The following ANAPC1 variants were observed in gnomAD, a reference collection of about 807,000 sequenced individuals.
The protein encoded by ANAPC1 is anaphase-promoting complex subunit 1.
In ANAPC1, 36 loss-of-function variants were observed where a neutral mutation model predicts 208.0. That is an observed-to-expected ratio of 0.17 (90% CI 0.13 to 0.23). ANAPC1 has a LOEUF of 0.23. ANAPC1 is among the 10% of genes least tolerant of loss of function. ANAPC1 has a pLI of 1.00. For synonymous variants in ANAPC1, 378 were observed against 695.2 expected (o/e 0.54, Z 7.18); for missense variants, 942 against 2,011.6 (o/e 0.47, Z 10.17).
chr2:111,849,321 T>C (rs1395740050), intron 14 of ANAPC1, among the ~76,000 whole-genome samples: 1 of 152,122 alleles, frequency 6.6e-6, no homozygotes, highest in Non-Finnish European at 1.5e-5. Flanking sequence ...TTGGAAACCA[T>C]TTTCCATTAT....
At chr2:111,877,665 T>C (rs1683090084) in intron 3 of ANAPC1, among the ~76,000 whole-genome samples, 1 of 151,966 alleles carries the variant, frequency 6.6e-6, no homozygotes, top group Non-Finnish European at 1.5e-5. Flanking sequence ...GCAACTGCAG[T>C]CCCAGCTACT....
chr2:111,831,204 A>G, intron 21 of ANAPC1, 82 bp downstream of exon 21: 1 of 1,482,688 alleles, frequency 6.7e-7, no homozygotes, highest in East Asian at 2.4e-5. Flanking sequence ...TATACACAGA[A>G]AAAAACTTAA....
Position 111,863,738 on chromosome 2 carries a change from C to G in ANAPC1, c.989G>C (p.Arg330Pro). ...QNYSSIHSQS[R>P]STSSPSLHSR... is the part of the protein sequence containing the mutation. Reference sequence around the variant, plus strand: ...ATGTAGACTGGGTGATGAGGTTGAGCGACTCTGGCTGTGAATGGAGGAGTA... The same window carrying G: ...ATGTAGACTGGGTGATGAGGTTGAGGGACTCTGGCTGTGAATGGAGGAGTA... Residue 330 changes from arginine (R) to proline (P), a missense_variant, in exon 9 of 48, where the codon CGC becomes CCC. Arg to Pro is a moderately radical substitution (Grantham distance 103). Transcript: ENST00000341068. The G allele has an allele frequency of 1.2e-6, 2 of 1,613,846 alleles. No homozygotes were observed. Among genetic ancestry groups the G allele is most frequent in the Non-Finnish European group, 1.7e-6 (2 of 1,179,852 alleles).
In ANAPC1 at chr2:111,784,264, G is replaced by T. The variant is rs1373624248; in HGVS notation, c.4995+59C>A. On this transcript the variant is annotated intron_variant, in intron 41 of 47. Transcript: ENST00000341068. ...AGGCTTTTATTTAGCTATCTTTAAC[G>T]CTATGCCATTCTGTTGAATTGACCC... 11 of 1,613,664 alleles carry T rather than the reference G, an allele frequency of 6.8e-6. No individual in the cohort carries two copies. In the South Asian group the frequency reaches 1.1e-4, roughly 16 times the overall value.
intron 38 of ANAPC1, among the ~76,000 whole-genome samples, chr2:111,790,390 A>G (rs949508576): frequency 6.6e-6 from 1 of 152,240 alleles, no homozygotes; most frequent in Non-Finnish European, 1.5e-5. Flanking sequence ...CAAGACTCAT[A>G]AGACAATGGA....
chr2:111,847,609 A>C, intron 15 of ANAPC1, 116 bp downstream of exon 15: 1 of 1,310,836 alleles, frequency 7.6e-7, no homozygotes, highest in Non-Finnish European at 1.0e-6. Flanking sequence ...ATGACACAAT[A>C]GATTTTTTTA....
intron 2 of ANAPC1, among the ~76,000 whole-genome samples, chr2:111,879,564 A>C (rs1267836056): frequency 6.6e-6 from 1 of 152,134 alleles, no homozygotes; most frequent in African/African-American, 2.4e-5. Context: ...TTAACATCTC[A>C]TTCCTCTACT....
intron 14 of ANAPC1, among the ~76,000 whole-genome samples, chr2:111,849,432 T>C (rs1681272293): frequency 6.6e-6 from 1 of 152,224 alleles, no homozygotes; most frequent in Non-Finnish European, 1.5e-5. Context: ...AAAAATTCAA[T>C]GTGGCACATG....
At chr2:111,775,915 C>T (rs1352701158) in intron 46 of ANAPC1, among the ~76,000 whole-genome samples, 1 of 152,266 alleles carries the variant, frequency 6.6e-6, no homozygotes, top group Non-Finnish European at 1.5e-5. Flanking sequence ...CAGGAAATGA[C>T]AAATACAATG....
chr2:111,867,589 G>T (rs1451972759), intron 7 of ANAPC1, among the ~76,000 whole-genome samples: 8 of 151,692 alleles, frequency 5.3e-5, no homozygotes, highest in African/African-American at 1.9e-4. Context: ...CTACTCGGGA[G>T]GCTGAGGCAG....
intron 18 of ANAPC1, among the ~76,000 whole-genome samples, chr2:111,837,127 C>T (rs1256031912): frequency 6.6e-6 from 1 of 151,960 alleles, no homozygotes; most frequent in African/African-American, 2.4e-5. Context: ...ATTCACACTA[C>T]TCAGCAATAA....
Position 111,795,290 on chromosome 2 carries a change from T to A in ANAPC1, c.4297-396A>T, listed in dbSNP as rs1678104602. Among the ~76,000 whole-genome samples the A allele has an allele frequency of 4.6e-5, 7 of 151,564 alleles. No individual in the cohort carries two copies. In the South Asian group the frequency reaches 1.5e-3, roughly 32 times the overall value. On this transcript the variant is annotated intron_variant, in intron 34 of 47. Transcript: ENST00000341068. ...CCAGCTACTTAGGAGGCTGAGGCAG[T>A]AGAATCACTTGAATCTGGGAGGTGC... is the stretch of plus-strand genomic sequence containing the variant.
chr2:111,865,025 T>C (rs1237481606), intron 7 of ANAPC1, 74 bp from the exon 8 acceptor site: 1 of 1,455,560 alleles, frequency 6.9e-7, no homozygotes, highest in Admixed American at 2.4e-5. Context: ...ACAGAGCTCT[T>C]AAAATTGTTA....
chr2:111,845,486 A>G (rs755020150), intron 16 of ANAPC1, among the ~76,000 whole-genome samples: 2 of 152,174 alleles, frequency 1.3e-5, no homozygotes, highest in Non-Finnish European at 2.9e-5. Flanking sequence ...TGTAAACCCA[A>G]TGCTGCATGA....
chr2:111,779,570 C>T (rs1677168815), intron 44 of ANAPC1: 1 of 152,494 alleles, frequency 6.6e-6, no homozygotes, highest in African/African-American at 2.4e-5. Flanking sequence ...GGCACAGTGG[C>T]TCGTGCCTAT....
At chr2:111,771,473 A>G (rs147346361) in intron 47 of ANAPC1, among the ~76,000 whole-genome samples, 26,992 of 150,950 alleles carry the variant, frequency 0.18, 2,737 homozygotes, top group Middle Eastern at 0.3. Flanking sequence ...TCAGCCCTGC[A>G]GCATTGCTGC....
intron 6 of ANAPC1, among the ~76,000 whole-genome samples, chr2:111,868,974 G>A (rs550064712): frequency 3.3e-5 from 5 of 152,164 alleles, no homozygotes; most frequent in Admixed American, 6.5e-5. Flanking sequence ...TGCCTGACAG[G>A]TGCTGTATGC....
chr2:111,848,722 C>T (rs897579262), intron 14 of ANAPC1, among the ~76,000 whole-genome samples: 7 of 150,134 alleles, frequency 4.7e-5, no homozygotes, highest in Admixed American at 2.0e-4. Context: ...GGTTGCAGTA[C>T]GGTGAGATTG....
intron 3 of ANAPC1, among the ~76,000 whole-genome samples, chr2:111,877,113 C>A (rs931519078): frequency 6.6e-5 from 10 of 150,730 alleles, no homozygotes; most frequent in African/African-American, 9.7e-5. Flanking sequence ...CTTCACCATG[C>A]CTTTTCTAAA....
Sources: gnomAD v4.1 joint callset for allele counts (sites outside exome capture counted in the v4.1 genomes callset) on GRCh38, gnomAD v4.1.1 for gene constraint, MANE v1.5 for transcripts, NCBI Gene and HGNC (gene_info 2026-07-23, HGNC 2026-07-21) for gene names.